Variants in PRAG1 observed in about 807,000 individuals in gnomAD.
The protein encoded by PRAG1 is PEAK1 related, kinase-activating pseudokinase 1.
In PRAG1, 110 loss-of-function variants were observed where a neutral mutation model predicts 95.6. That is an observed-to-expected ratio of 1.15 (90% confidence interval 0.99 to 1.35). PRAG1 has a LOEUF of 1.35. PRAG1 is among the 40% of genes most tolerant of loss of function. PRAG1 has a pLI of 0.00. For missense variants in PRAG1, 2,554 were observed against 1,864.7 expected, an observed-to-expected ratio of 1.37 and a Z score of -6.81; for synonymous variants, 1,052 against 819.4, an observed-to-expected ratio of 1.28 and a Z score of -4.85.
chr8:8,339,421 A>C, intron 4 of PRAG1, 57 bp downstream of exon 4: 1 of 1,581,980 alleles, frequency 6.3e-7, no homozygotes. Flanking sequence ...GCAACGCAGG[A>C]CTGGTCTTGA....
At chr8:8,364,083 G>C (rs1181439145) in intron 3 of PRAG1, among the ~76,000 whole-genome samples, 1 of 152,160 alleles carries the variant, frequency 6.6e-6, no homozygotes, top group African/African-American at 2.4e-5. Flanking sequence ...ACTGACCTGT[G>C]TGAATATATA....
chr8:8,362,421 G>A (rs900483501), intron 3 of PRAG1, among the ~76,000 whole-genome samples: 1 of 152,198 alleles, frequency 6.6e-6, no homozygotes, highest in Non-Finnish European at 1.5e-5. Context: ...GAGTTTACCT[G>A]GTTGCCACAG....
At position 8,319,247 on chromosome 8, in the gene PRAG1, A is replaced by G. The variant is rs1400671474; in HGVS notation, c.3128T>C (p.Val1043Ala). 1 of 1,540,708 alleles carries G rather than the reference A, an allele frequency of 6.5e-7. No individual in the cohort carries two copies. The highest frequency in any genetic ancestry group is 1.9e-5 in the Admixed American group (1 of 53,516). Reference sequence around the variant, plus strand: ...GCAGTCCTGCTGGATGTTAAAGTGCACGGGCACGGACGGGCTGCAGTAGGA... The same window carrying G: ...GCAGTCCTGCTGGATGTTAAAGTGCGCGGGCACGGACGGGCTGCAGTAGGA... ...TVSYCSPSVP[V>A]HFNIQQDCGH... is the part of the protein sequence containing the mutation. The change falls in exon 6 of 6, where the codon GTG becomes GCG. Residue 1043 changes from valine (V) to alanine (A), a missense_variant. Val to Ala is a moderately conservative substitution (Grantham distance 64, BLOSUM62 0). Transcript: ENST00000615670.
intron 3 of PRAG1, among the ~76,000 whole-genome samples, chr8:8,346,643 C>A (rs966101450): frequency 4.6e-5 from 7 of 152,222 alleles, no homozygotes; most frequent in Admixed American, 3.3e-4. Context: ...TCTAAAAATA[C>A]CCCCGAAGCT....
chr8:8,327,502 G>A (rs559718836), intron 5 of PRAG1, among the ~76,000 whole-genome samples: 13 of 152,254 alleles, frequency 8.5e-5, no homozygotes, highest in South Asian at 2.1e-4. Context: ...AATGGGAGGC[G>A]GAGGCTGTAG....
At chr8:8,364,244 G>A (rs1799935587) in intron 3 of PRAG1, among the ~76,000 whole-genome samples, 1 of 152,178 alleles carries the variant, frequency 6.6e-6, no homozygotes, top group African/African-American at 2.4e-5. Context: ...CTATTTTACT[G>A]TTTTATGCTT....
intron 3 of PRAG1, among the ~76,000 whole-genome samples, chr8:8,345,046 G>GGTGTGTGTGTGTGTGTGTGT (rs57329300): frequency 3.7e-4 from 49 of 134,048 alleles, no homozygotes; most frequent in South Asian, 2.3e-3. Flanking sequence ...TTATCCGCAG[G>GGTGTGTGTGTGTGTGTGTGT]GTGTGTGTGT....
intron 3 of PRAG1, among the ~76,000 whole-genome samples, chr8:8,347,718 A>T (rs13273161): frequency 0.28 from 42,704 of 152,120 alleles, 7,206 homozygotes; most frequent in East Asian, 0.61. Context: ...TGGGGATACA[A>T]TGGTTAACAG....
rs531854991 is a variant in PRAG1, at chr8:8,335,476, G to T, written c.2320+4002C>A. Among the ~76,000 whole-genome samples the T allele has an allele frequency of 3.3e-3, 496 of 152,174 alleles. 5 individuals are homozygous for T. The highest frequency in any genetic ancestry group is 0.012 in the African/African-American group (478 of 41,518). On this transcript the variant is annotated intron_variant, in intron 4 of 5. Transcript: ENST00000615670. Reference sequence around the variant, plus strand: ...ACAGAAAAAAATCTTAAAAGTGATGGTAGGAGCTGGGATGGGGTGTCAGAA... The same window carrying T: ...ACAGAAAAAAATCTTAAAAGTGATGTTAGGAGCTGGGATGGGGTGTCAGAA...
At chr8:8,320,116 T>G (rs1397156018) in intron 5 of PRAG1, among the ~76,000 whole-genome samples, 1 of 152,166 alleles carries the variant, frequency 6.6e-6, no homozygotes, top group South Asian at 2.1e-4. Context: ...TCGGGAGGTA[T>G]TGGTAGGAAG....
At chr8:8,343,639 AAT>A (rs1438097299) in intron 3 of PRAG1, among the ~76,000 whole-genome samples, 22 of 152,348 alleles carry the variant, frequency 1.4e-4, no homozygotes, top group African/African-American at 5.3e-4. Context: ...ACTGCTCTAG[AAT>A]ATGAGTCAAC....
chr8:8,359,685 C>G (rs1799788658), intron 3 of PRAG1, among the ~76,000 whole-genome samples: 1 of 152,204 alleles, frequency 6.6e-6, no homozygotes, highest in Admixed American at 6.5e-5. Flanking sequence ...TTTCTCCTTA[C>G]TACCTCCCCT....
At chr8:8,349,578 G>A (rs866101568) in intron 3 of PRAG1, among the ~76,000 whole-genome samples, 2 of 152,054 alleles carry the variant, frequency 1.3e-5, no homozygotes, top group Admixed American at 6.5e-5. Context: ...CACCGCGCCC[G>A]GCCGGTTTCT....
At position 8,319,100 on chromosome 8, in the gene PRAG1, G is replaced by A. The variant is rs1161494684; in HGVS notation, c.3275C>T (p.Thr1092Ile). Reference protein sequence around the residue: ...AQEQDCVVVITREVPHQTASD... With the variant: ...AQEQDCVVVIIREVPHQTASD... The stretch of plus-strand genomic sequence containing the variant: ...GGCGGTCTGATGTGGCACCTCTCGG[G>A]TGATGACCACCACGCAGTCCTGCTC... The change falls in exon 6 of 6, where the codon ACC becomes ATC. Residue 1092 changes from threonine to isoleucine, a missense_variant. Physicochemically the swap from Thr to Ile is moderately conservative, Grantham distance 89. Coordinates refer to ENST00000615670, the MANE Select transcript of PRAG1 (RefSeq NM_001080826.3). 4 of 1,609,832 alleles carry A rather than the reference G, an allele frequency of 2.5e-6. No homozygotes were observed. Among genetic ancestry groups the A allele is most frequent in the Non-Finnish European group, 3.4e-6 (4 of 1,179,472 alleles).
intron 3 of PRAG1, among the ~76,000 whole-genome samples, chr8:8,341,157 A>G (rs556494435): frequency 3.3e-4 from 50 of 152,326 alleles, no homozygotes; most frequent in South Asian, 2.3e-3. Context: ...AGTGGTTTCT[A>G]GAGTTTCTTG....
At chr8:8,372,827 C>G (rs913851429) in intron 3 of PRAG1, among the ~76,000 whole-genome samples, 1 of 152,250 alleles carries the variant, frequency 6.6e-6, no homozygotes, top group Middle Eastern at 3.4e-3. Flanking sequence ...TAAAATAGGG[C>G]GATAAACAGA....
At chr8:8,383,401 T>C (rs987821825) in intron 1 of PRAG1, among the ~76,000 whole-genome samples, 12 of 152,112 alleles carry the variant, frequency 7.9e-5, no homozygotes, top group Admixed American at 6.6e-4. Flanking sequence ...AGACACTCTG[T>C]CTTTACAAAG....
rs140750260 is a variant in PRAG1, at chr8:8,378,719, G to T, written c.331-641C>A. On this transcript the variant is annotated intron_variant, in intron 2 of 5. Transcript: ENST00000615670. ...TACAAAAAAATACAAAAACTTGGTGGGCGTGGTGGTGTGTACCTACAGTCC... is the reference window on the plus strand; with the variant it reads ...TACAAAAAAATACAAAAACTTGGTGTGCGTGGTGGTGTGTACCTACAGTCC... Among the ~76,000 whole-genome samples the T allele has an allele frequency of 9.7e-3, 1,477 of 152,112 alleles. 17 individuals carry two copies. The highest frequency in any genetic ancestry group is 0.011 in the Non-Finnish European group (735 of 67,998).
intron 4 of PRAG1, among the ~76,000 whole-genome samples, chr8:8,331,156 G>A (rs999614010): frequency 1.1e-4 from 16 of 152,158 alleles, no homozygotes; most frequent in African/African-American, 3.4e-4. Flanking sequence ...ACCTGCCTAC[G>A]GTCAGGATTC....
Sources: allele counts gnomAD v4.1 joint callset (sites outside exome capture counted in the v4.1 genomes callset), GRCh38; gene constraint gnomAD v4.1.1; transcripts MANE v1.5; gene names NCBI Gene and HGNC (gene_info 2026-07-23, HGNC 2026-07-21).